KCNQ5: variants seen among roughly 807,000 people sequenced by gnomAD.
KCNQ5 encodes potassium voltage-gated channel subfamily Q member 5.
KCNQ5 carries 30 observed loss-of-function variants against 98.2 expected under a neutral mutation model. That is an observed-to-expected ratio of 0.31 (90% confidence interval 0.23 to 0.41). KCNQ5 has a LOEUF of 0.41. Ranked by LOEUF, KCNQ5 falls within the 10% of genes least tolerant of loss-of-function variation. The pLI is 1.00. For synonymous variants in KCNQ5, 458 were observed against 449.4 expected (o/e 1.02, Z -0.24); for missense variants, 835 against 1,182.5 (o/e 0.71, Z 4.31).
chr6:73,103,403 C>T (rs1438584939), intron 5 of KCNQ5, among the ~76,000 whole-genome samples: 1 of 151,960 alleles, frequency 6.6e-6, no homozygotes, highest in Non-Finnish European at 1.5e-5. Context: ...TCAAACACCA[C>T]ATGTTCTCAT....
intron 1 of KCNQ5, among the ~76,000 whole-genome samples, chr6:72,863,440 T>G (rs1380973047): frequency 6.6e-6 from 1 of 152,242 alleles, no homozygotes; most frequent in African/African-American, 2.4e-5. Context: ...TCCTAAGATT[T>G]CCATTTTCAG....
chr6:72,661,583 T>C (rs763969890), intron 1 of KCNQ5, among the ~76,000 whole-genome samples: 4 of 152,164 alleles, frequency 2.6e-5, no homozygotes, highest in Non-Finnish European at 4.4e-5. Flanking sequence ...TTTTTTAGTA[T>C]TGATGTAGGC....
chr6:73,050,005 A>G (rs1383524708), intron 3 of KCNQ5, among the ~76,000 whole-genome samples: 1 of 152,056 alleles, frequency 6.6e-6, no homozygotes, highest in Non-Finnish European at 1.5e-5. Flanking sequence ...CCTGGGCAAC[A>G]TAATGAGACC....
At chr6:72,960,660 T>C (rs1297819549) in intron 1 of KCNQ5, among the ~76,000 whole-genome samples, 2 of 152,186 alleles carry the variant, frequency 1.3e-5, no homozygotes, top group African/African-American at 4.8e-5. Context: ...AGTCCTGACC[T>C]TGTGATCTGC....
chr6:72,764,236 C>A (rs1186905191), intron 1 of KCNQ5, among the ~76,000 whole-genome samples: 1 of 151,746 alleles, frequency 6.6e-6, no homozygotes, highest in Admixed American at 6.6e-5. Context: ...TCATTTGGAA[C>A]AACAAAAACA....
chr6:73,032,795 T>C (rs897761723), intron 2 of KCNQ5, among the ~76,000 whole-genome samples: 2 of 151,390 alleles, frequency 1.3e-5, no homozygotes, highest in African/African-American at 4.9e-5. Flanking sequence ...CTCAAACCAA[T>C]TAAGGTATAA....
intron 3 of KCNQ5, among the ~76,000 whole-genome samples, chr6:73,057,498 A>G (rs944916659): frequency 4.6e-5 from 7 of 152,076 alleles, no homozygotes; most frequent in African/African-American, 1.2e-4. Context: ...AAATAAATAA[A>G]TAAAAATTTA....
chr6:73,132,778 ACATT>A (rs1175190650), intron 9 of KCNQ5, among the ~76,000 whole-genome samples: 1 of 152,212 alleles, frequency 6.6e-6, no homozygotes, highest in Non-Finnish European at 1.5e-5. Context: ...ATCAGTCATC[ACATT>A]CATTATCTGT....
At chr6:73,137,488 C>A (rs999303308) in intron 10 of KCNQ5, among the ~76,000 whole-genome samples, 3 of 152,100 alleles carry the variant, frequency 2.0e-5, no homozygotes, top group Admixed American at 1.3e-4. Context: ...TAGAAATACT[C>A]TATTCATTGA....
intron 1 of KCNQ5, among the ~76,000 whole-genome samples, chr6:72,624,648 CT>C (rs2154471345): frequency 6.6e-6 from 1 of 152,296 alleles, no homozygotes; most frequent in Admixed American, 6.5e-5. Context: ...CTAGCAGTAT[CT>C]TTAGTAGTAG....
intron 1 of KCNQ5, among the ~76,000 whole-genome samples, chr6:72,979,719 C>T (rs1246360552): frequency 6.6e-6 from 1 of 152,158 alleles, no homozygotes; most frequent in Non-Finnish European, 1.5e-5. Flanking sequence ...GTTGCCATTG[C>T]TTTTGATGTT....
intron 1 of KCNQ5, among the ~76,000 whole-genome samples, chr6:72,862,529 A>G (rs959548476): frequency 6.6e-6 from 1 of 152,182 alleles, no homozygotes; most frequent in African/African-American, 2.4e-5. Context: ...AATATGTCAT[A>G]AGCTCATTCT....
At chr6:72,913,706 T>G (rs1351588544) in intron 1 of KCNQ5, among the ~76,000 whole-genome samples, 1 of 152,214 alleles carries the variant, frequency 6.6e-6, no homozygotes, top group Non-Finnish European at 1.5e-5. Flanking sequence ...ATATCTTCTC[T>G]TCCCATCTTA....
At position 73,149,917 on chromosome 6, in the gene KCNQ5, G is replaced by A. The variant is rs187496484; in HGVS notation, c.1468+16276G>A. 3.4e-3 allele frequency among the ~76,000 whole-genome samples: 515 copies of A among 151,406 alleles called. 3 individuals are homozygous for A. The highest frequency in any genetic ancestry group is 0.012 in the African/African-American group (484 of 41,262). Reference sequence around the variant, plus strand: ...TTTGCTCTGCAAATGAGACTAAGGGGATGAAAAAACAAGCTGCAAACTGAG... The same window carrying A: ...TTTGCTCTGCAAATGAGACTAAGGGAATGAAAAAACAAGCTGCAAACTGAG... On this transcript the variant is annotated intron_variant, in intron 10 of 13. Transcript: ENST00000370398.
intron 5 of KCNQ5, among the ~76,000 whole-genome samples, chr6:73,102,095 A>G (rs1253161636): frequency 1.3e-5 from 2 of 152,214 alleles, no homozygotes; most frequent in Admixed American, 1.3e-4. Context: ...ACAAATCCGT[A>G]CATCCACAGT....
intron 1 of KCNQ5, among the ~76,000 whole-genome samples, chr6:72,870,755 C>T (rs780163328): frequency 2.0e-5 from 3 of 152,166 alleles, no homozygotes; most frequent in Admixed American, 1.3e-4. Flanking sequence ...CTATACCTAA[C>T]ATGTAACCAG....
chr6:73,094,016 A>G (rs947808701), intron 5 of KCNQ5, among the ~76,000 whole-genome samples: 2 of 152,082 alleles, frequency 1.3e-5, no homozygotes, highest in Non-Finnish European at 2.9e-5. Flanking sequence ...GAAGTCTCCC[A>G]CTATTATTAT....
chr6:72,970,725 C>T (rs1413701654), intron 1 of KCNQ5, among the ~76,000 whole-genome samples: 2 of 152,110 alleles, frequency 1.3e-5, no homozygotes, highest in Non-Finnish European at 2.9e-5. Context: ...TTTGACAAAC[C>T]TGACAAAAAA....
At chr6:72,945,146 A>G (rs928622808) in intron 1 of KCNQ5, among the ~76,000 whole-genome samples, 12 of 152,202 alleles carry the variant, frequency 7.9e-5, no homozygotes, top group Admixed American at 3.3e-4. Flanking sequence ...ATGATCATTC[A>G]AGATGCTTTT....
Sources: allele counts gnomAD v4.1 joint callset (sites outside exome capture counted in the v4.1 genomes callset), GRCh38; gene constraint gnomAD v4.1.1; transcripts MANE v1.5; gene names NCBI Gene and HGNC (gene_info 2026-07-23, HGNC 2026-07-21).